The following HSPA12B variants were observed in gnomAD, a reference collection of about 807,000 sequenced individuals.
The protein encoded by HSPA12B is heat shock 70 kDa protein 12B.
Under a neutral mutation model 69.3 loss-of-function variants are expected in HSPA12B, and 54 were observed. The observed-to-expected ratio is 0.78, with a 90% CI of 0.63 to 0.98. HSPA12B has a LOEUF of 0.98. Among genes scored for constraint, HSPA12B ranks in the 50% least tolerant of loss-of-function variants. The probability of loss-of-function intolerance (pLI) is 0.00; values close to 1 mark genes in which losing one functional copy is unlikely to be tolerated. For synonymous variants in HSPA12B, 441 were observed against 436.5 expected (o/e 1.01, Z -0.13); for missense variants, 929 against 999.8 (o/e 0.93, Z 0.96).
intron 4 of HSPA12B, among the ~76,000 whole-genome samples, chr20:3,743,177 A>C (rs1305544919): frequency 1.2e-3 from 2 of 1,610 alleles, no homozygotes; most frequent in Admixed American, 8.1e-3. Flanking sequence ...TGAGCCACCA[A>C]CCTGGCCTTT....
At chr20:3,750,476 G>A (rs563490945) in intron 11 of HSPA12B, among the ~76,000 whole-genome samples, 48 of 152,192 alleles carry the variant, frequency 3.2e-4, no homozygotes, top group African/African-American at 1.1e-3. Context: ...AGGCGGCAAT[G>A]CCTATCTCCT....
At chr20:3,741,152 C>A (rs887088067) in intron 3 of HSPA12B, among the ~76,000 whole-genome samples, 4 of 152,038 alleles carry the variant, frequency 2.6e-5, no homozygotes, top group African/African-American at 9.7e-5. Context: ...AACTCCCAAC[C>A]CCCCCACACA....
Position 3,752,094 on chromosome 20 carries a change from A to G in HSPA12B, c.1989A>G (p.Glu663=). 4.6e-6 allele frequency: 7 copies of G among 1,515,018 alleles called. No homozygotes were observed. Among genetic ancestry groups the G allele is most frequent in the Non-Finnish European group, 6.1e-6 (7 of 1,138,740 alleles). 93.8% of individuals were successfully genotyped at this position (1,515,018 alleles called of 1,614,324 possible). ...IRAAMQFGDT[E]IKVTAVDVST... ...CCGCCATGCAGTTTGGCGACACCGA[A>G]ATTAAGGTCACCGCCGTCGACGTCA... The change falls in exon 13 of 13, where the codon GAA becomes GAG. Residue 663 remains glutamate, a synonymous_variant. Transcript: ENST00000254963.
Position 3,749,202 on chromosome 20 carries a change from T to C in HSPA12B, c.851-30T>C, listed in dbSNP as rs779234864. The C allele has an allele frequency of 1.3e-6, 2 of 1,599,654 alleles. No homozygotes were observed. Among genetic ancestry groups the C allele is most frequent in the Non-Finnish European group, 1.7e-6 (2 of 1,170,962 alleles). On this transcript the variant is annotated intron_variant, in intron 8 of 12. Transcript: ENST00000254963. The surrounding 1 kb of genome is among the most constrained non-coding windows in gnomAD (Gnocchi z 5.5). ...CCATAGCTGGAGCACCTCCTTCTAA[T>C]CTCACTCCCTGCTGTCTCCTGACCC...
chr20:3,751,906 C>T lies in HSPA12B; in HGVS notation c.1801C>T (p.Gln601Ter). 1.3e-6 allele frequency: 2 copies of T among 1,575,116 alleles called. No homozygotes were observed. Among genetic ancestry groups the T allele is most frequent in the Non-Finnish European group, 1.7e-6 (2 of 1,166,178 alleles). Residue 601 changes from glutamine to a stop codon, truncating the protein, a stop_gained, in exon 13 of 13, where the codon CAG (glutamine) becomes TAG (stop). Coordinates refer to ENST00000254963, the MANE Select transcript of HSPA12B (RefSeq NM_052970.5). LOFTEE classifies it high-confidence loss of function. ...CAGCTACTGCCCGGCGCGTCCCGGC[C>T]AGCGGCGCGTACTCATCAACCTGTA... ...RRSYCPARPGQRRVLINLYCC... is the reference protein window; with the variant it reads ...RRSYCPARPG
In HSPA12B at chr20:3,749,693, C is replaced by A; in HGVS notation, c.938-57C>A. 1.6e-6 allele frequency: 2 copies of A among 1,277,874 alleles called. No homozygotes were observed. Among genetic ancestry groups the A allele is most frequent in the Non-Finnish European group, 1.1e-6 (1 of 923,028 alleles). The allele number at this position is 1,277,874 out of a possible 1,614,324, so 79.2% of individuals were successfully genotyped here. A position where few individuals can be genotyped will look rare whatever the true frequency, so the allele number is the denominator to read the frequency against. Reference sequence around the variant, plus strand: ...GGAGGCTGGGCGAGGCTGGAGGGGGCGCAGGGCTGAGGGTGCGAGGCCGCC... The same window carrying A: ...GGAGGCTGGGCGAGGCTGGAGGGGGAGCAGGGCTGAGGGTGCGAGGCCGCC... On this transcript the variant is annotated intron_variant, in intron 9 of 12. Coordinates refer to ENST00000254963, the MANE Select transcript of HSPA12B (RefSeq NM_052970.5). This position sits in a 1 kb window ranked among gnomAD's most constrained non-coding sequence, Gnocchi z 5.5.
chr20:3,740,022 G>A lies in HSPA12B; in HGVS notation c.44-793G>A, dbSNP rs1350547850. Among the ~76,000 whole-genome samples, 1 of 152,180 alleles carries A rather than the reference G, an allele frequency of 6.6e-6. No homozygotes were observed. Among genetic ancestry groups the A allele is most frequent in the Non-Finnish European group, 1.5e-5 (1 of 68,018 alleles). On this transcript the variant is annotated intron_variant, in intron 2 of 12. Coordinates refer to ENST00000254963, the MANE Select transcript of HSPA12B (RefSeq NM_052970.5). The surrounding 1 kb of genome is among the most constrained non-coding windows in gnomAD (Gnocchi z 4.9). ...CCCCATAAGCCGCCTGATCCTCGGG[G>A]CGAGGCCTGGGGCTGTCCTCCAGGG...
At chr20:3,738,778 C>A in intron 2 of HSPA12B, 61 bp downstream of exon 2, 1 of 1,569,858 alleles carries the variant, frequency 6.4e-7, no homozygotes, top group Non-Finnish European at 8.8e-7. Context: ...GGCACTGAGA[C>A]CCACCTACAG....
In HSPA12B at chr20:3,741,383, G is replaced by A. The variant is rs549637367; in HGVS notation, c.141+471G>A. Among the ~76,000 whole-genome samples, 11 of 152,086 alleles carry A rather than the reference G, an allele frequency of 7.2e-5. 1 individual carries two copies. In the East Asian group the frequency reaches 2.1e-3, roughly 29 times the overall value. ...ATGGTGGCTCATACCTGTAATCCCAGCACTTTGGGAGGCCGAGGTGGGCAG... is the reference window on the plus strand; with the variant it reads ...ATGGTGGCTCATACCTGTAATCCCAACACTTTGGGAGGCCGAGGTGGGCAG... On this transcript the variant is annotated intron_variant, in intron 3 of 12. Transcript: ENST00000254963.
At chr20:3,735,609 G>A (rs1391150684) in intron 1 of HSPA12B, among the ~76,000 whole-genome samples, 1 of 152,030 alleles carries the variant, frequency 6.6e-6, no homozygotes, top group Non-Finnish European at 1.5e-5. Flanking sequence ...GGAATTACAG[G>A]CGTCTGCCAC....
rs965979863 is a variant in HSPA12B at position 3,746,447 on chromosome 20, T to C, written c.675+416T>C. Reference sequence around the variant, plus strand: ...CCTCCCGAGTAGCTGGGACTACAGGTGCCCGCCACCACGCCCGGCTAATTT... The same window carrying C: ...CCTCCCGAGTAGCTGGGACTACAGGCGCCCGCCACCACGCCCGGCTAATTT... On this transcript the variant is annotated intron_variant, in intron 7 of 12. Transcript: ENST00000254963. Among the ~76,000 whole-genome samples the C allele has an allele frequency of 1.9e-3, 281 of 151,556 alleles. 1 individual carries two copies. The highest frequency in any genetic ancestry group is 5.6e-3 in the African/African-American group (231 of 41,296).
rs2088385846 is a variant in HSPA12B at position 3,750,088 on chromosome 20, A to T, written c.1162A>T (p.Thr388Ser). ...RQRPAAWVDLTIAFEARKRTA... is the reference protein window; with the variant it reads ...RQRPAAWVDLSIAFEARKRTA... ...ACGGCCGGCAGCCTGGGTAGATCTG[A>T]CCATCGCCTTCGAGGCTCGCAAGCG... Residue 388 changes from threonine to serine, a missense_variant, in exon 11 of 13, where the codon ACC (threonine) becomes TCC (serine). By Grantham distance (58) the Thr-to-Ser change is moderately conservative (BLOSUM62 1). This residue lies in a region of HSPA12B where 477 missense variants were observed against 535.2 expected (regional missense o/e 0.89). Transcript: ENST00000254963. 5.0e-6 allele frequency: 8 copies of T among 1,612,114 alleles called. No individual in the cohort carries two copies. The highest frequency in any genetic ancestry group is 6.8e-6 in the Non-Finnish European group (8 of 1,179,676).
rs1187008201 is a variant in HSPA12B at position 3,748,376 on chromosome 20, T to C, written c.835T>C (p.Ser279Pro). 1 of 1,597,422 alleles carries C rather than the reference T, an allele frequency of 6.3e-7. No individual in the cohort carries two copies. The highest frequency in any genetic ancestry group is 8.5e-7 in the Non-Finnish European group (1 of 1,172,806). Residue 279 changes from serine to proline, a missense_variant, in exon 8 of 13, where the codon TCC (serine) becomes CCC (proline). Ser to Pro is a moderately conservative substitution (Grantham distance 74). This residue lies in a region of HSPA12B where 477 missense variants were observed against 535.2 expected (regional missense o/e 0.89). Transcript: ENST00000254963. Reference protein sequence around the residue: ...GRLGERRSIDSSFRQAREQLR... With the variant: ...GRLGERRSIDPSFRQAREQLR... Reference sequence around the variant, plus strand: ...CCTGGGTGAGCGCCGCTCCATCGACTCCAGCTTCCGTCAGGGTGAGCTGCC... The same window carrying C: ...CCTGGGTGAGCGCCGCTCCATCGACCCCAGCTTCCGTCAGGGTGAGCTGCC...
rs774414766 is a variant in HSPA12B at position 3,752,175 on chromosome 20, C to T, written c.*9C>T. 1 of 1,452,610 alleles carries T rather than the reference C, an allele frequency of 6.9e-7. No individual in the cohort carries two copies. The highest frequency in any genetic ancestry group is 9.0e-7 in the Non-Finnish European group (1 of 1,110,256). 90.0% of individuals were successfully genotyped at this position (1,452,610 alleles called of 1,614,324 possible). A position where few individuals can be genotyped will look rare whatever the true frequency, so the allele number is the denominator to read the frequency against. On this transcript the variant is annotated 3_prime_UTR_variant, in exon 13 of 13. Coordinates refer to ENST00000254963, the MANE Select transcript of HSPA12B (RefSeq NM_052970.5). ...ACTTTCTTTCCAACTGAGGGCGCGC[C>T]GGCGCGGTGCCAGCGCCGTCTGCCC...
At chr20:3,746,616 TATATGTGAGGTCTATTGAA>T (rs2088312157) in intron 7 of HSPA12B, among the ~76,000 whole-genome samples, 2 of 152,124 alleles carry the variant, frequency 1.3e-5, no homozygotes, top group Admixed American at 1.3e-4. Context: ...TGGAGAGTCT[TATATGTGAGGTCTATTGAA>T]GAAGGTTTCT....
Position 3,742,289 on chromosome 20 carries a change from C to A in HSPA12B, c.147C>A (p.Pro49=), listed in dbSNP as rs377346666. The A allele has an allele frequency of 5.6e-6, 9 of 1,613,598 alleles. No individual in the cohort carries two copies. In the South Asian group the frequency reaches 6.6e-5, roughly 12 times the overall value. The change falls in exon 4 of 13, where the codon CCC becomes CCA. Residue 49 remains proline (P), a synonymous_variant. Transcript: ENST00000254963. ...TCTAAGTCTTGCACTTGCAGAAACC[C>A]GAGGTCCGAGCCCCCCAGCAGGCCT... is the stretch of plus-strand genomic sequence containing the variant. The part of the protein sequence containing the change: ...APLTPSQSPK[P]EVRAPQQASF...
Position 3,752,151 on chromosome 20 carries a change from CTT to C in HSPA12B, c.2048_2049del (p.Phe683SerfsTer84). 6.9e-7 allele frequency: 1 copy of C among 1,458,462 alleles called. No homozygotes were observed. Among genetic ancestry groups the C allele is most frequent in the South Asian group, 1.4e-5 (1 of 70,480 alleles). 90.3% of individuals were successfully genotyped at this position (1,458,462 alleles called of 1,614,324 possible). Reference sequence around the variant, plus strand: ...ATCGCTCCGTGCGCGCGTCCATCGACTTTCTTTCCAACTGAGGGCGCGCCGGC... The same window carrying C: ...ATCGCTCCGTGCGCGCGTCCATCGACTCTTTCCAACTGAGGGCGCGCCGGC... ...TNRSVRASID[F>X]LSN On this transcript the variant is annotated frameshift_variant, in exon 13 of 13. Coordinates refer to ENST00000254963, the MANE Select transcript of HSPA12B (RefSeq NM_052970.5). LOFTEE classifies it high-confidence loss of function.
In HSPA12B at chr20:3,752,123, C is replaced by G; in HGVS notation, c.2018C>G (p.Thr673Ser). ...EIKVTAVDVSTNRSVRASIDF... is the reference protein window; with the variant it reads ...EIKVTAVDVSSNRSVRASIDF... The stretch of plus-strand genomic sequence containing the variant: ...AAGGTCACCGCCGTCGACGTCAGCA[C>G]CAATCGCTCCGTGCGCGCGTCCATC... Residue 673 changes from threonine to serine, a missense_variant, in exon 13 of 13, where the codon ACC (threonine) becomes AGC (serine). By Grantham distance (58) the Thr-to-Ser change is moderately conservative (BLOSUM62 1). This residue lies in a region of HSPA12B where 448 missense variants were observed against 448.1 expected (regional missense o/e 1.00). Coordinates refer to ENST00000254963, the MANE Select transcript of HSPA12B (RefSeq NM_052970.5). 1 of 1,488,800 alleles carries G rather than the reference C, an allele frequency of 6.7e-7. No homozygotes were observed. The highest frequency in any genetic ancestry group is 1.3e-5 in the South Asian group (1 of 75,980). 92.2% of individuals were successfully genotyped at this position (1,488,800 alleles called of 1,614,324 possible).
chr20:3,749,902 G>T lies in HSPA12B; in HGVS notation c.1042+48G>T. 1 of 1,536,264 alleles carries T rather than the reference G, an allele frequency of 6.5e-7. No homozygotes were observed. Among genetic ancestry groups the T allele is most frequent in the Non-Finnish European group, 8.8e-7 (1 of 1,138,472 alleles). ...GGTACCCAGCGCGACCCGGGCTCCG[G>T]CCCCGCCACTGCCCCCTGGCGGCCC... On this transcript the variant is annotated intron_variant, in intron 10 of 12. Transcript: ENST00000254963. This position sits in a 1 kb window ranked among gnomAD's most constrained non-coding sequence, Gnocchi z 5.5.
Sources: gnomAD v4.1 joint callset for allele counts (sites outside exome capture counted in the v4.1 genomes callset) on GRCh38, gnomAD v4.1.1 for gene constraint, gnomAD v4.1.1 regional missense constraint, Gnocchi (gnomAD v3.1) non-coding constraint, MANE v1.5 for transcripts, NCBI Gene and HGNC (gene_info 2026-07-23, HGNC 2026-07-21) for gene names.